The following GSK3B variants were observed in gnomAD, a reference collection of about 807,000 sequenced individuals.
GSK3B encodes the protein glycogen synthase kinase 3 beta.
Under a neutral mutation model 56.4 loss-of-function variants are expected in GSK3B, and 15 were observed. That is an observed-to-expected ratio of 0.27 (90% CI 0.18 to 0.41). The LOEUF (loss-of-function observed/expected upper bound fraction) is 0.41. Ranked by LOEUF, GSK3B falls within the 10% of genes least tolerant of loss-of-function variation. The probability of loss-of-function intolerance (pLI) is 1.00; values close to 1 mark genes in which losing one functional copy is unlikely to be tolerated. For synonymous variants in GSK3B, 181 were observed against 188.9 expected (o/e 0.96, Z 0.34); for missense variants, 300 against 513.4 (o/e 0.58, Z 4.02).
rs575288363 is a variant in GSK3B, at chr3:119,842,991, A to G, written c.1195+264T>C. ...AGTGCAGTGGCGCAATCTCGGCTCA[A>G]TGCAACCTCCGCCTCCCGGTTTCAA... is the stretch of plus-strand genomic sequence containing the variant. On this transcript the variant is annotated intron_variant, in intron 10 of 10. Coordinates refer to ENST00000264235, the MANE Select transcript of GSK3B (RefSeq NM_001146156.2). Among the ~76,000 whole-genome samples the G allele has an allele frequency of 1.1e-3, 164 of 151,818 alleles. 1 individual carries two copies. The highest frequency in any genetic ancestry group is 1.0e-3 in the South Asian group (5 of 4,806).
chr3:119,826,188 C>T lies in GSK3B; in HGVS notation c.*600G>A. On this transcript the variant is annotated 3_prime_UTR_variant, in exon 11 of 11. Transcript: ENST00000264235. ...TAGAGTTCCAAACTTTATTGACCTC[C>T]CTGGGTTACGAATGATACACATTTC... The T allele has an allele frequency of 3.9e-6, 1 of 259,696 alleles. No individual in the cohort carries two copies. 16.1% of individuals were successfully genotyped at this position (259,696 alleles called of 1,614,324 possible).
chr3:120,008,013 G>A (rs2057744702), intron 1 of GSK3B, among the ~76,000 whole-genome samples: 1 of 151,948 alleles, frequency 6.6e-6, no homozygotes, highest in Admixed American at 6.6e-5. Context: ...CACTCCTTAA[G>A]CTGATAAGCA....
rs1216131270 is a variant in GSK3B, at chr3:119,822,717, C to T, written c.*4071G>A. ...AGACAGATTTTATTGTAAAGCATAC[C>T]TACTTTTCCACACAGGGGAGAAAAG... On this transcript the variant is annotated 3_prime_UTR_variant, in exon 11 of 11. Transcript: ENST00000264235. The T allele has an allele frequency of 4.4e-6, 1 of 228,164 alleles. No individual in the cohort carries two copies. The highest frequency in any genetic ancestry group is 5.7e-5 in the Admixed American group (1 of 17,582). 14.1% of individuals were successfully genotyped at this position (228,164 alleles called of 1,614,324 possible). A position where few individuals can be genotyped will look rare whatever the true frequency, so the allele number is the denominator to read the frequency against.
intron 2 of GSK3B, among the ~76,000 whole-genome samples, chr3:119,972,426 TTTTGTTTG>T (rs576140612): frequency 3.9e-5 from 6 of 152,218 alleles, no homozygotes; most frequent in East Asian, 1.9e-4. Context: ...TTTTTATCTA[TTTTGTTTG>T]TTTGTTTGTT....
intron 6 of GSK3B, among the ~76,000 whole-genome samples, chr3:119,906,676 C>G (rs137959310): frequency 6.6e-6 from 1 of 152,030 alleles, no homozygotes; most frequent in African/African-American, 2.4e-5. Context: ...AGACTTCCTA[C>G]AAGAAAAGGC....
intron 1 of GSK3B, among the ~76,000 whole-genome samples, chr3:120,050,520 G>A (rs1216500623): frequency 6.6e-6 from 1 of 152,212 alleles, no homozygotes; most frequent in Non-Finnish European, 1.5e-5. Flanking sequence ...AGATATTTAG[G>A]GGGTAGACTT....
intron 1 of GSK3B, among the ~76,000 whole-genome samples, chr3:120,003,871 C>G (rs1360982412): frequency 2.6e-5 from 4 of 152,204 alleles, no homozygotes; most frequent in Non-Finnish European, 5.9e-5. Context: ...ACTTAGGTAC[C>G]TGGTTCATCT....
chr3:119,923,408 G>A lies in GSK3B; in HGVS notation c.442C>T (p.Arg148Ter), dbSNP rs1450227743. ...TVYRVARHYS[R>*]AKQTLPVIYV... The stretch of plus-strand genomic sequence containing the variant: ...ATCACAGGGAGCGTCTGTTTGGCTC[G>A]ACTATAGTGTCTGGCAACTCTGTAT... Residue 148 changes from arginine (R) to a stop codon, truncating the protein, a stop_gained, in exon 4 of 11, where the codon CGA (arginine) becomes TGA (stop). Coordinates refer to ENST00000264235, the MANE Select transcript of GSK3B (RefSeq NM_001146156.2). LOFTEE classifies it high-confidence loss of function. 1.9e-6 allele frequency: 3 copies of A among 1,598,932 alleles called. No individual in the cohort carries two copies. The highest frequency in any genetic ancestry group is 2.6e-6 in the Non-Finnish European group (3 of 1,167,664).
At chr3:119,849,789 C>G (rs1471832499) in intron 9 of GSK3B, among the ~76,000 whole-genome samples, 1 of 152,118 alleles carries the variant, frequency 6.6e-6, no homozygotes, top group Non-Finnish European at 1.5e-5. Context: ...GTAACCTACA[C>G]AGAGCCTCTC....
intron 2 of GSK3B, among the ~76,000 whole-genome samples, chr3:119,954,284 GAATAGAATAGA>G (rs1201988351): frequency 7.2e-6 from 1 of 139,846 alleles, no homozygotes; most frequent in Non-Finnish European, 1.5e-5. Context: ...GAATAGAATA[GAATAGAATAGA>G]ATAGAATAGA....
intron 1 of GSK3B, among the ~76,000 whole-genome samples, chr3:120,073,627 G>A (rs17205095): frequency 0.1 from 15,583 of 152,068 alleles, 902 homozygotes; most frequent in Non-Finnish European, 0.12. Flanking sequence ...TTCCTAAGCC[G>A]TACCCTAAAA....
intron 2 of GSK3B, among the ~76,000 whole-genome samples, chr3:119,956,530 G>A (rs1454661326): frequency 3.3e-5 from 5 of 152,042 alleles, no homozygotes; most frequent in African/African-American, 7.3e-5. Context: ...TTTAAACATC[G>A]TGTTGGTGCT....
At chr3:119,901,489 T>C (rs1444995075) in intron 7 of GSK3B, among the ~76,000 whole-genome samples, 1 of 152,208 alleles carries the variant, frequency 6.6e-6, no homozygotes, top group African/African-American at 2.4e-5. Context: ...GATTTTATTC[T>C]AAATATTTTA....
At chr3:119,902,126 T>G (rs1022877210) in intron 7 of GSK3B, among the ~76,000 whole-genome samples, 5 of 152,158 alleles carry the variant, frequency 3.3e-5, no homozygotes, top group Non-Finnish European at 5.9e-5. Flanking sequence ...TTCAAATCTA[T>G]TCTTAAAGTC....
chr3:119,902,836 T>C (rs2056638439), intron 7 of GSK3B, among the ~76,000 whole-genome samples: 1 of 152,146 alleles, frequency 6.6e-6, no homozygotes, highest in African/African-American at 2.4e-5. Flanking sequence ...CACTTCAGGC[T>C]CCCAAGTAGC....
At chr3:119,832,987 A>T in intron 10 of GSK3B, 2 of 983,998 alleles carry the variant, frequency 2.0e-6, no homozygotes, top group Non-Finnish European at 2.4e-6. Context: ...TTCTCAAGAG[A>T]TCTGTAAGAG....
intron 1 of GSK3B, among the ~76,000 whole-genome samples, chr3:120,076,340 T>C (rs2058366854): frequency 6.6e-6 from 1 of 151,964 alleles, no homozygotes; most frequent in Non-Finnish European, 1.5e-5. Context: ...GAAACAAATG[T>C]AAAAATAGAT....
intron 2 of GSK3B, among the ~76,000 whole-genome samples, chr3:119,956,576 G>A (rs992001972): frequency 2.1e-4 from 32 of 152,014 alleles, no homozygotes; most frequent in African/African-American, 6.8e-4. Context: ...TTCAAATTTT[G>A]GATTTTTGGT....
intron 9 of GSK3B, among the ~76,000 whole-genome samples, chr3:119,853,497 T>C (rs534043059): frequency 6.6e-6 from 1 of 152,356 alleles, no homozygotes; most frequent in South Asian, 2.1e-4. Flanking sequence ...ACTGAATCTA[T>C]AAATTACCTT....
Sources: allele counts gnomAD v4.1 joint callset (sites outside exome capture counted in the v4.1 genomes callset), GRCh38; gene constraint gnomAD v4.1.1; transcripts MANE v1.5; gene names NCBI Gene and HGNC (gene_info 2026-07-23, HGNC 2026-07-21).